The following SLCO2A1 variants were observed in gnomAD, a reference collection of about 807,000 sequenced individuals.
SLCO2A1 encodes the protein solute carrier organic anion transporter family member 2A1.
SLCO2A1 carries 60 observed loss-of-function variants against 71.7 expected under a neutral mutation model. The observed-to-expected ratio is 0.84, with a 90% CI of 0.68 to 1.04. SLCO2A1 has a LOEUF of 1.04. Among genes scored for constraint, SLCO2A1 ranks in the 50% least tolerant of loss-of-function variants. The probability of loss-of-function intolerance (pLI) is 0.00; values close to 1 mark genes in which losing one functional copy is unlikely to be tolerated. For missense variants in SLCO2A1, 745 were observed against 813.4 expected (o/e 0.92, Z 1.02); for synonymous variants, 308 against 326.7 (o/e 0.94, Z 0.62).
chr3:134,010,975 T>C lies in SLCO2A1; in HGVS notation c.96+18732A>G, dbSNP rs373988452. Among the ~76,000 whole-genome samples, 105 of 152,320 alleles carry C rather than the reference T, an allele frequency of 6.9e-4. 1 individual carries two copies. The highest frequency in any genetic ancestry group is 2.5e-3 in the African/African-American group (103 of 41,576). On this transcript the variant is annotated intron_variant, in intron 1 of 13. Coordinates refer to ENST00000310926, the MANE Select transcript of SLCO2A1 (RefSeq NM_005630.3). ...TGATTTTAAGGCAATCAAAACAGGCTTGACTAATGCCCAACCCCAGTCCTT... is the reference window on the plus strand; with the variant it reads ...TGATTTTAAGGCAATCAAAACAGGCCTGACTAATGCCCAACCCCAGTCCTT...
At chr3:133,959,446 T>A (rs1281455938) in intron 3 of SLCO2A1, among the ~76,000 whole-genome samples, 1 of 149,824 alleles carries the variant, frequency 6.7e-6, no homozygotes, top group Non-Finnish European at 1.5e-5. Context: ...GTGGAGCAAT[T>A]AGAACCCTAT....
chr3:133,956,236 A>T (rs577943818), intron 3 of SLCO2A1, among the ~76,000 whole-genome samples: 1 of 152,206 alleles, frequency 6.6e-6, no homozygotes, highest in South Asian at 2.1e-4. Flanking sequence ...CAGAGAGGAA[A>T]ACCGAGCGCC....
chr3:133,983,203 C>T (rs1209517667), intron 1 of SLCO2A1, among the ~76,000 whole-genome samples: 1 of 152,156 alleles, frequency 6.6e-6, no homozygotes, highest in Non-Finnish European at 1.5e-5. Context: ...GCTCTTTCTC[C>T]CTTGAGACCC....
intron 3 of SLCO2A1, among the ~76,000 whole-genome samples, chr3:133,973,413 G>T (rs1934374975): frequency 6.6e-6 from 1 of 152,230 alleles, no homozygotes; most frequent in South Asian, 2.1e-4. Context: ...AGTGTCCCCA[G>T]GGAGGTGGAG....
intron 1 of SLCO2A1, among the ~76,000 whole-genome samples, chr3:134,003,863 T>G (rs1363663117): frequency 1.3e-5 from 2 of 152,104 alleles, no homozygotes; most frequent in African/African-American, 4.8e-5. Flanking sequence ...ATAATTTGGG[T>G]GGGCCAGACT....
At chr3:134,016,940 C>T (rs1296812987) in intron 1 of SLCO2A1, among the ~76,000 whole-genome samples, 2 of 152,182 alleles carry the variant, frequency 1.3e-5, no homozygotes, top group African/African-American at 4.8e-5. Context: ...CTCAAAAGGT[C>T]ACAGATTGTA....
intron 11 of SLCO2A1, among the ~76,000 whole-genome samples, chr3:133,938,893 T>A (rs576381735): frequency 1.3e-5 from 2 of 150,764 alleles, no homozygotes; most frequent in East Asian, 2.0e-4. Context: ...AGGCTAGGAG[T>A]GGAGAGAAGG....
At chr3:134,016,037 T>G (rs553112897) in intron 1 of SLCO2A1, among the ~76,000 whole-genome samples, 1 of 152,236 alleles carries the variant, frequency 6.6e-6, no homozygotes, top group Admixed American at 6.5e-5. Context: ...TCCATTCAAT[T>G]AACTCAAAAT....
chr3:133,940,411 A>G (rs2108037765), intron 11 of SLCO2A1, among the ~76,000 whole-genome samples: 1 of 152,198 alleles, frequency 6.6e-6, no homozygotes, highest in Middle Eastern at 3.4e-3. Flanking sequence ...TAGAAAGGAG[A>G]GATTTTCTAG....
At chr3:134,014,056 T>C (rs1559958586) in intron 1 of SLCO2A1, among the ~76,000 whole-genome samples, 1 of 152,180 alleles carries the variant, frequency 6.6e-6, no homozygotes, top group Non-Finnish European at 1.5e-5. Flanking sequence ...CCAGCATTTC[T>C]CAAGGGTGTT....
rs572134985 is a variant in SLCO2A1 at position 133,942,080 on chromosome 3, G to A, written c.1625+525C>T. 3.3e-5 allele frequency among the ~76,000 whole-genome samples: 5 copies of A among 152,258 alleles called. 1 individual carries two copies. Among genetic ancestry groups the A allele is most frequent in the Non-Finnish European group, 7.4e-5 (5 of 68,004 alleles). ...ACAATCTTGGCTCACTGCAACCTCC[G>A]CCTCCTGGGTTCAAGTGATTCTTCT... On this transcript the variant is annotated intron_variant, in intron 11 of 13. Transcript: ENST00000310926.
rs143507621 is a variant in SLCO2A1, at chr3:133,945,859, A to G, written c.1296-599T>C. On this transcript the variant is annotated intron_variant, in intron 9 of 13. Coordinates refer to ENST00000310926, the MANE Select transcript of SLCO2A1 (RefSeq NM_005630.3). The stretch of plus-strand genomic sequence containing the variant: ...ACTGTCCAGATATTTCACTAGTATA[A>G]TTATACGAATGAGAGTTCATCTCGT... Among the ~76,000 whole-genome samples, 19 of 152,308 alleles carry G rather than the reference A, an allele frequency of 1.2e-4. No individual in the cohort carries two copies. In the East Asian group the frequency reaches 3.7e-3, roughly 29 times the overall value.
intron 1 of SLCO2A1, among the ~76,000 whole-genome samples, chr3:133,990,248 C>A (rs974751042): frequency 6.6e-6 from 1 of 152,234 alleles, no homozygotes. Context: ...TTATTGAAAT[C>A]TTTCATCCAC....
chr3:134,010,032 TTA>T (rs899250121), intron 1 of SLCO2A1, among the ~76,000 whole-genome samples: 103 of 152,320 alleles, frequency 6.8e-4, no homozygotes, highest in African/African-American at 2.4e-3. Flanking sequence ...CTTGTCCATA[TTA>T]TCTCAGTAAA....
intron 6 of SLCO2A1, among the ~76,000 whole-genome samples, chr3:133,950,640 C>T (rs1203899700): frequency 6.6e-6 from 1 of 152,218 alleles, no homozygotes; most frequent in Non-Finnish European, 1.5e-5. Context: ...AATCTTTAGA[C>T]CCTTCAGCTG....
intron 3 of SLCO2A1, among the ~76,000 whole-genome samples, chr3:133,966,022 C>G (rs537272529): frequency 1.3e-5 from 2 of 152,296 alleles, no homozygotes; most frequent in African/African-American, 4.8e-5. Flanking sequence ...ATTCAGGCAG[C>G]CTTACAGTCC....
intron 4 of SLCO2A1, 120 bp from the exon 5 acceptor site, chr3:133,953,881 C>T (rs968918338): frequency 1.4e-6 from 1 of 736,330 alleles, no homozygotes; most frequent in East Asian, 2.7e-5. Flanking sequence ...GCCTGATAAG[C>T]CCACACCTGT....
intron 4 of SLCO2A1, among the ~76,000 whole-genome samples, chr3:133,954,024 A>C (rs931157400): frequency 6.6e-6 from 1 of 152,170 alleles, no homozygotes; most frequent in African/African-American, 2.4e-5. Flanking sequence ...GCATTTAAAA[A>C]TGCCAGGTGA....
chr3:134,003,645 C>T (rs1256875527), intron 1 of SLCO2A1, among the ~76,000 whole-genome samples: 1 of 152,196 alleles, frequency 6.6e-6, no homozygotes, highest in Non-Finnish European at 1.5e-5. Flanking sequence ...TTCCTGGAGC[C>T]CTTGGCCTGC....
Sources: allele counts gnomAD v4.1 joint callset (sites outside exome capture counted in the v4.1 genomes callset), GRCh38; gene constraint gnomAD v4.1.1; transcripts MANE v1.5; gene names NCBI Gene and HGNC (gene_info 2026-07-23, HGNC 2026-07-21).